USP38: variants seen among roughly 807,000 people sequenced by gnomAD.
USP38 encodes the protein ubiquitin carboxyl-terminal hydrolase 38.
USP38 carries 49 observed loss-of-function variants against 94.3 expected under a neutral mutation model. The observed-to-expected ratio is 0.52, with a 90% CI of 0.41 to 0.66. The LOEUF is 0.66. Ranked by LOEUF, USP38 falls within the 30% of genes least tolerant of loss-of-function variation. The pLI is 0.00. For missense variants in USP38, 1,128 were observed against 1,229.4 expected (o/e 0.92, Z 1.23); for synonymous variants, 468 against 463.6 (o/e 1.01, Z -0.12).
At chr4:143,197,131 GC>G (rs999875846) in intron 3 of USP38, among the ~76,000 whole-genome samples, 4 of 152,106 alleles carry the variant, frequency 2.6e-5, no homozygotes, top group Non-Finnish European at 4.4e-5. Flanking sequence ...CACTTACACT[GC>G]CCTTTTTTCT....
intron 3 of USP38, among the ~76,000 whole-genome samples, chr4:143,197,467 T>C (rs1731586575): frequency 6.6e-6 from 1 of 152,202 alleles, no homozygotes; most frequent in South Asian, 2.1e-4. Context: ...TAATCCACTG[T>C]TGTAGCACTA....
At chr4:143,187,115 C>T (rs1561236077) in intron 1 of USP38, among the ~76,000 whole-genome samples, 1 of 152,036 alleles carries the variant, frequency 6.6e-6, no homozygotes, top group African/African-American at 2.4e-5. Flanking sequence ...AATTTTACTT[C>T]TATTGCCTGT....
Position 143,185,091 on chromosome 4 carries a change from C to G in USP38, c.-360C>G, listed in dbSNP as rs1443196468. ...TCGGAGGCGTGCTTCCTCCACCCGC[C>G]GGCTAGCAGCCCCGGGCCCTGAGCT... is the stretch of plus-strand genomic sequence containing the variant. On this transcript the variant is annotated 5_prime_UTR_variant, in exon 1 of 10. Transcript: ENST00000307017. 4 of 193,142 alleles carry G rather than the reference C, an allele frequency of 2.1e-5. No individual in the cohort carries two copies. Among genetic ancestry groups the G allele is most frequent in the Non-Finnish European group, 4.2e-5 (4 of 95,736 alleles). The allele number at this position is 193,142 out of a possible 1,614,324, so 12.0% of individuals were successfully genotyped here. A position where few individuals can be genotyped will look rare whatever the true frequency, so the allele number is the denominator to read the frequency against.
At position 143,220,512 on chromosome 4, in the gene USP38, A is replaced by T; in HGVS notation, c.*56A>T. The T allele has an allele frequency of 6.9e-7, 1 of 1,450,674 alleles. No individual in the cohort carries two copies. The highest frequency in any genetic ancestry group is 1.5e-5 in the South Asian group (1 of 65,572). 89.9% of individuals were successfully genotyped at this position (1,450,674 alleles called of 1,614,324 possible). A position where few individuals can be genotyped will look rare whatever the true frequency, so the allele number is the denominator to read the frequency against. On this transcript the variant is annotated 3_prime_UTR_variant, in exon 10 of 10. Transcript: ENST00000307017. ...GAAACGTCTAATACTATGACTGTTA[A>T]AATGTCAGACTATAACAAATATCTA...
At position 143,214,306 on chromosome 4, in the gene USP38, G is replaced by A; in HGVS notation, c.2330G>A (p.Arg777Lys). The change falls in exon 9 of 10, where the codon AGA becomes AAA. Residue 777 changes from arginine (R) to lysine (K), a missense_variant. Transcript: ENST00000307017. ...RFSYDQKYHV[R>K]RKILDNVSLP... ...TCATATGATCAGAAGTATCATGTGAGAAGGAAAATTTTAGACAATGTATCA... is the reference window on the plus strand; with the variant it reads ...TCATATGATCAGAAGTATCATGTGAAAAGGAAAATTTTAGACAATGTATCA... 1.9e-6 allele frequency: 3 copies of A among 1,612,852 alleles called. No individual in the cohort carries two copies. The highest frequency in any genetic ancestry group is 2.2e-5 in the East Asian group (1 of 44,854).
intron 2 of USP38, among the ~76,000 whole-genome samples, chr4:143,189,902 A>T (rs932409595): frequency 2.6e-5 from 4 of 151,784 alleles, no homozygotes; most frequent in African/African-American, 9.7e-5. Flanking sequence ...TACTGTTAGG[A>T]ATTTCTTTCT....
intron 9 of USP38, among the ~76,000 whole-genome samples, chr4:143,218,373 G>T (rs1213351879): frequency 1.3e-5 from 2 of 151,902 alleles, no homozygotes; most frequent in African/African-American, 4.8e-5. Flanking sequence ...ATAAATTTGT[G>T]ATATAAATTA....
intron 4 of USP38, among the ~76,000 whole-genome samples, chr4:143,198,260 T>A (rs1348540837): frequency 2.6e-5 from 4 of 152,202 alleles, no homozygotes; most frequent in Non-Finnish European, 5.9e-5. Context: ...TTTGAAAGCA[T>A]GAAAACACAC....
At chr4:143,201,235 A>G (rs1016044906) in intron 4 of USP38, among the ~76,000 whole-genome samples, 4 of 152,182 alleles carry the variant, frequency 2.6e-5, no homozygotes, top group Admixed American at 6.5e-5. Flanking sequence ...CTGCACACCT[A>G]TGACCATCTG....
In USP38 at chr4:143,215,053, A is replaced by G. The variant is rs34461753; in HGVS notation, c.2967+110A>G. 87,697 of 1,070,142 alleles carry G rather than the reference A, an allele frequency of 0.082. 4,186 individuals are homozygous for G. The highest frequency in any genetic ancestry group is 0.16 in the African/African-American group (10,200 of 62,380). The allele number at this position is 1,070,142 out of a possible 1,614,324, so 66.3% of individuals were successfully genotyped here. ...ATGAGTTTTTATTAAATTCTGAAAT[A>G]TAGGTCTGGATTTACATGAAGTATT... is the stretch of plus-strand genomic sequence containing the variant. On this transcript the variant is annotated intron_variant, in intron 9 of 9. Transcript: ENST00000307017.
chr4:143,195,878 A>G, intron 3 of USP38, 33 bp downstream of exon 3: 1 of 1,548,554 alleles, frequency 6.5e-7, no homozygotes, highest in Non-Finnish European at 8.7e-7. Context: ...ATTAGAATAT[A>G]TAGACTCATA....
At position 143,223,717 on chromosome 4, in the gene USP38, A is replaced by G. The variant is rs1351006258; in HGVS notation, c.*3261A>G. 6.6e-6 allele frequency: 1 copy of G among 152,062 alleles called. No individual in the cohort carries two copies. The allele number at this position is 152,062 out of a possible 1,614,324, so 9.4% of individuals were successfully genotyped here. A position where few individuals can be genotyped will look rare whatever the true frequency, so the allele number is the denominator to read the frequency against. On this transcript the variant is annotated 3_prime_UTR_variant, in exon 10 of 10. Transcript: ENST00000307017. ...AATTCTCAGTCCATCTTTTCCTATG[A>G]TTGTGTACTTCACATGATACATTCC... is the stretch of plus-strand genomic sequence containing the variant.
chr4:143,195,695 T>G, intron 2 of USP38, 21 bp from the exon 3 acceptor site: 2 of 1,571,548 alleles, frequency 1.3e-6, no homozygotes, highest in Non-Finnish European at 1.7e-6. Context: ...TAATGATTGT[T>G]TCATTTTCCT....
In USP38 at chr4:143,185,264, C is replaced by A; in HGVS notation, c.-187C>A. ...CTTAGGCTCTCCAGGCTCGCTAGCT[C>A]CCGCCCCGGCTTGGATGGGTCTCCC... is the stretch of plus-strand genomic sequence containing the variant. On this transcript the variant is annotated 5_prime_UTR_variant, in exon 1 of 10. Transcript: ENST00000307017. 1 of 670,158 alleles carries A rather than the reference C, an allele frequency of 1.5e-6. No homozygotes were observed. Among genetic ancestry groups the A allele is most frequent in the Non-Finnish European group, 2.4e-6 (1 of 409,218 alleles). The allele number at this position is 670,158 out of a possible 1,614,324, so 41.5% of individuals were successfully genotyped here.
At chr4:143,194,088 C>T (rs576407460) in intron 2 of USP38, among the ~76,000 whole-genome samples, 6 of 151,724 alleles carry the variant, frequency 4.0e-5, no homozygotes, top group Non-Finnish European at 7.4e-5. Context: ...GACTGTGTCT[C>T]AAAAAGAAAA....
In USP38 at chr4:143,200,764, G is replaced by A. The variant is rs974209057; in HGVS notation, c.1051-2644G>A. Among the ~76,000 whole-genome samples, 13 of 152,048 alleles carry A rather than the reference G, an allele frequency of 8.5e-5. No individual in the cohort carries two copies. The East Asian group carries it at 1.9e-3, about 23-fold the overall frequency. ...AAGCTAGGAGCCAAATCAGGAAGGC[G>A]ATCCCATTCACAATTGCCACAAAAA... On this transcript the variant is annotated intron_variant, in intron 4 of 9. Transcript: ENST00000307017.
At position 143,223,456 on chromosome 4, in the gene USP38, A is replaced by C. The variant is rs529649163; in HGVS notation, c.*3000A>C. On this transcript the variant is annotated 3_prime_UTR_variant, in exon 10 of 10. Coordinates refer to ENST00000307017, the MANE Select transcript of USP38 (RefSeq NM_032557.6). Reference sequence around the variant, plus strand: ...GGAAAGAACAAAAATTTTCAAGCTAAGTCTTAAGTTCAAATCTATAATTTT... The same window carrying C: ...GGAAAGAACAAAAATTTTCAAGCTACGTCTTAAGTTCAAATCTATAATTTT... 1.3e-5 allele frequency: 2 copies of C among 152,264 alleles called. No individual in the cohort carries two copies. Among genetic ancestry groups the C allele is most frequent in the African/African-American group, 4.8e-5 (2 of 41,570 alleles). 9.4% of individuals were successfully genotyped at this position (152,264 alleles called of 1,614,324 possible).
At chr4:143,196,599 A>G (rs906891864) in intron 3 of USP38, among the ~76,000 whole-genome samples, 16 of 152,076 alleles carry the variant, frequency 1.1e-4, no homozygotes, top group Admixed American at 5.9e-4. Flanking sequence ...TACTTACTCT[A>G]ACTTTTAGAA....
Position 143,214,767 on chromosome 4 carries a change from A to G in USP38, c.2791A>G (p.Lys931Glu). ...VTFTSFQSVQ[K>E]ITSRFPKDTA... is the part of the protein sequence containing the mutation. ...ATTTACTTCATTTCAGTCAGTCCAG[A>G]AAATTACGAGCAGGTTTCCAAAGGA... Residue 931 changes from lysine (K) to glutamate (E), a missense_variant, in exon 9 of 10, where the codon AAA (lysine) becomes GAA (glutamate). Transcript: ENST00000307017. 6.2e-7 allele frequency: 1 copy of G among 1,613,790 alleles called. No individual in the cohort carries two copies. The highest frequency in any genetic ancestry group is 8.5e-7 in the Non-Finnish European group (1 of 1,179,812).
Sources: gnomAD v4.1 joint callset for allele counts (sites outside exome capture counted in the v4.1 genomes callset) on GRCh38, gnomAD v4.1.1 for gene constraint, MANE v1.5 for transcripts, NCBI Gene and HGNC (gene_info 2026-07-23, HGNC 2026-07-21) for gene names.